VPS8: variants seen among roughly 807,000 people sequenced by gnomAD.
VPS8 encodes VPS8 subunit of CORVET complex, also known as vacuolar protein sorting-associated protein 8 homolog.
VPS8 carries 129 observed loss-of-function variants against 216.4 expected under a neutral mutation model. That is an observed-to-expected ratio of 0.60 (90% confidence interval 0.52 to 0.69). The LOEUF (loss-of-function observed/expected upper bound fraction) is 0.69. VPS8 is among the 30% of genes least tolerant of loss of function. The pLI, the probability that VPS8 is intolerant of heterozygous loss-of-function variation, is 0.00. For synonymous variants in VPS8, 571 were observed against 565.4 expected, an observed-to-expected ratio of 1.01 and a Z score of -0.14; for missense variants, 1,531 against 1,683.5, an observed-to-expected ratio of 0.91 and a Z score of 1.59.
At chr3:184,896,195 A>C (rs1389643769) in intron 23 of VPS8, among the ~76,000 whole-genome samples, 3 of 152,086 alleles carry the variant, frequency 2.0e-5, no homozygotes, top group Non-Finnish European at 4.4e-5. Context: ...TATATGGCTA[A>C]TTTGGCATAG....
intron 46 of VPS8, among the ~76,000 whole-genome samples, chr3:185,046,629 A>G (rs1223165568): frequency 6.6e-6 from 1 of 152,206 alleles, no homozygotes; most frequent in Non-Finnish European, 1.5e-5. Context: ...CTCTGGGAGT[A>G]TAAACAACAC....
intron 31 of VPS8, among the ~76,000 whole-genome samples, chr3:184,927,688 A>G (rs576572390): frequency 2.0e-5 from 3 of 152,184 alleles, no homozygotes; most frequent in Non-Finnish European, 4.4e-5. Context: ...GAACTCTTTT[A>G]TCTTCCCAAA....
intron 45 of VPS8, among the ~76,000 whole-genome samples, chr3:185,005,009 C>T (rs1310863869): frequency 6.6e-6 from 1 of 151,566 alleles, no homozygotes; most frequent in Non-Finnish European, 1.5e-5. Flanking sequence ...GGATTCAGGG[C>T]TTAGATTTAA....
At chr3:184,856,773 G>A (rs555504928) in intron 14 of VPS8, among the ~76,000 whole-genome samples, 8 of 152,238 alleles carry the variant, frequency 5.3e-5, no homozygotes, top group African/African-American at 1.9e-4. Flanking sequence ...CCTCTGCCAG[G>A]AAAGTTCTGT....
rs1269671361 is a variant in VPS8 at position 184,826,336 on chromosome 3, G to T, written c.222+105G>T. 1.1e-4 allele frequency: 77 copies of T among 701,088 alleles called. No homozygotes were observed. The highest frequency in any genetic ancestry group is 1.8e-5 in the African/African-American group (1 of 54,742). 43.4% of individuals were successfully genotyped at this position (701,088 alleles called of 1,614,324 possible). On this transcript the variant is annotated intron_variant, in intron 3 of 47. Transcript: ENST00000625842. The stretch of plus-strand genomic sequence containing the variant: ...ACCTAGATGCGCACTTTCCAGTAGG[G>T]TAGCCACTAGTCGTGTGTGTCAGTT...
chr3:184,993,502 A>T (rs1229800627), intron 42 of VPS8, among the ~76,000 whole-genome samples: 1 of 152,104 alleles, frequency 6.6e-6, no homozygotes, highest in Non-Finnish European at 1.5e-5. Flanking sequence ...TATTGAAAAA[A>T]ACTTCAAAAA....
At chr3:185,009,809 G>T (rs1754749076) in intron 45 of VPS8, among the ~76,000 whole-genome samples, 1 of 152,026 alleles carries the variant, frequency 6.6e-6, no homozygotes, top group African/African-American at 2.4e-5. Flanking sequence ...GTCTCTCCGG[G>T]TCAAGGGGAC....
chr3:184,923,969 G>T lies in VPS8; in HGVS notation c.2455-893G>T, dbSNP rs377511011. Among the ~76,000 whole-genome samples the T allele has an allele frequency of 5.3e-5, 8 of 152,110 alleles. No individual in the cohort carries two copies. In the East Asian group the frequency reaches 7.7e-4, roughly 15 times the overall value. On this transcript the variant is annotated intron_variant, in intron 29 of 47. Transcript: ENST00000625842. Reference sequence around the variant, plus strand: ...CTTATAATAGCAGTCATTATATTATGCCTTTTATTTAAGATGTTATGTCTT... The same window carrying T: ...CTTATAATAGCAGTCATTATATTATTCCTTTTATTTAAGATGTTATGTCTT...
At chr3:185,036,015 T>TAAAAC (rs968579111) in intron 46 of VPS8, among the ~76,000 whole-genome samples, 2 of 152,018 alleles carry the variant, frequency 1.3e-5, no homozygotes, top group South Asian at 2.1e-4. Flanking sequence ...TCTATAGCCA[T>TAAAAC]AAAACAAAAC....
At chr3:184,871,810 G>A (rs780916001) in intron 21 of VPS8, among the ~76,000 whole-genome samples, 4 of 152,108 alleles carry the variant, frequency 2.6e-5, no homozygotes, top group Non-Finnish European at 5.9e-5. Context: ...GTAGGCACAG[G>A]TCCTATCTTT....
At position 184,913,557 on chromosome 3, in the gene VPS8, A is replaced by G. The variant is rs1377967027; in HGVS notation, c.2185A>G (p.Ile729Val). The G allele has an allele frequency of 6.4e-7, 1 of 1,571,506 alleles. No individual in the cohort carries two copies. Among genetic ancestry groups the G allele is most frequent in the Non-Finnish European group, 8.6e-7 (1 of 1,157,206 alleles). Residue 729 changes from isoleucine to valine, a missense_variant, in exon 26 of 48, where the codon ATT (isoleucine) becomes GTT (valine). Transcript: ENST00000625842. The stretch of plus-strand genomic sequence containing the variant: ...TATGGGCAATAAGCTCCTTGTATAT[A>G]TTAGGTAAGATTGTTTTATTTATTC... ...VVMGNKLLVY[I>V]SCCLAGRAYP...
intron 41 of VPS8, 39 bp from the exon 42 acceptor site, chr3:184,982,973 T>A: frequency 6.6e-7 from 1 of 1,512,938 alleles, no homozygotes; most frequent in Non-Finnish European, 8.9e-7. Context: ...AAAACTCTTA[T>A]TTTAAACTAA....
At chr3:184,829,033 A>G (rs1263673954) in intron 3 of VPS8, among the ~76,000 whole-genome samples, 1 of 152,196 alleles carries the variant, frequency 6.6e-6, no homozygotes, top group African/African-American at 2.4e-5. Context: ...TTATGTTTTT[A>G]GATTTGTTCA....
intron 45 of VPS8, among the ~76,000 whole-genome samples, chr3:185,006,534 AC>A (rs1265485168): frequency 6.6e-6 from 1 of 152,202 alleles, no homozygotes; most frequent in Non-Finnish European, 1.5e-5. Flanking sequence ...AAGATTTCTC[AC>A]CATTGTGTGA....
chr3:184,879,742 T>C (rs938014610), intron 21 of VPS8, among the ~76,000 whole-genome samples: 1 of 152,122 alleles, frequency 6.6e-6, no homozygotes, highest in South Asian at 2.1e-4. Flanking sequence ...GAGGATTCTG[T>C]AGGAAGTTGA....
chr3:184,849,927 G>T lies in VPS8; in HGVS notation c.667-9G>T. The T allele has an allele frequency of 1.2e-6, 2 of 1,608,622 alleles. No homozygotes were observed. The highest frequency in any genetic ancestry group is 1.7e-6 in the Non-Finnish European group (2 of 1,177,736). On this transcript the variant is annotated splice_polypyrimidine_tract_variant and intron_variant, in intron 9 of 47. Transcript: ENST00000625842. The stretch of plus-strand genomic sequence containing the variant: ...AAATTTGTTTTTGAAGCACTTAGTT[G>T]TCTTATAGATCACCATGTGGGATTT...
At chr3:185,043,337 G>A (rs1230594083) in intron 46 of VPS8, among the ~76,000 whole-genome samples, 1 of 152,174 alleles carries the variant, frequency 6.6e-6, no homozygotes, top group Non-Finnish European at 1.5e-5. Flanking sequence ...CACAAACGCA[G>A]CTAGCAGAAG....
chr3:185,036,797 A>C (rs1758965745), intron 46 of VPS8, among the ~76,000 whole-genome samples: 1 of 151,962 alleles, frequency 6.6e-6, no homozygotes, highest in African/African-American at 2.4e-5. Flanking sequence ...TATATAGTGC[A>C]TCTAGTAATG....
chr3:184,906,855 G>A (rs1735587875), intron 25 of VPS8, among the ~76,000 whole-genome samples: 1 of 152,182 alleles, frequency 6.6e-6, no homozygotes, highest in African/African-American at 2.4e-5. Flanking sequence ...TCAGGGAAGG[G>A]ATGGAAGGCA....
Sources: allele counts gnomAD v4.1 joint callset (sites outside exome capture counted in the v4.1 genomes callset), GRCh38; gene constraint gnomAD v4.1.1; transcripts MANE v1.5; gene names NCBI Gene and HGNC (gene_info 2026-07-23, HGNC 2026-07-21).